The following MARK1 variants were observed in gnomAD, a reference collection of about 807,000 sequenced individuals.
The protein encoded by MARK1 is serine/threonine-protein kinase MARK1.
A neutral mutation model predicts 96.3 loss-of-function variants in MARK1; 40 were observed. The observed-to-expected ratio is 0.42, with a 90% confidence interval of 0.32 to 0.54. The LOEUF (loss-of-function observed/expected upper bound fraction) is 0.54, where lower values mean the gene tolerates loss of function less well. MARK1 is among the 20% of genes least tolerant of loss of function. The pLI, the probability that MARK1 is intolerant of heterozygous loss-of-function variation, is 0.16. For missense variants in MARK1, 719 were observed against 984.6 expected (o/e 0.73, Z 3.61); for synonymous variants, 317 against 341.2 (o/e 0.93, Z 0.78).
At chr1:220,659,516 T>A (rs1164289891) in intron 17 of MARK1, among the ~76,000 whole-genome samples, 1 of 152,198 alleles carries the variant, frequency 6.6e-6, no homozygotes, top group Non-Finnish European at 1.5e-5. Flanking sequence ...TTCTGAGGGG[T>A]AAATGAGTAA....
At position 220,618,263 on chromosome 1, in the gene MARK1, T is replaced by C. The variant is rs1400903960; in HGVS notation, c.553-47T>C. 1 of 1,198,272 alleles carries C rather than the reference T, an allele frequency of 8.3e-7. No homozygotes were observed. Among genetic ancestry groups the C allele is most frequent in the Admixed American group, 2.0e-5 (1 of 50,338 alleles). The allele number at this position is 1,198,272 out of a possible 1,614,324, so 74.2% of individuals were successfully genotyped here. A position where few individuals can be genotyped will look rare whatever the true frequency, so the allele number is the denominator to read the frequency against. The stretch of plus-strand genomic sequence containing the variant: ...TAAAACTCTTTTACAAATATTTTTA[T>C]TTTATGTAGGCTTTTTACATTGTTC... On this transcript the variant is annotated intron_variant, in intron 7 of 17. Transcript: ENST00000366917. The surrounding 1 kb of genome is among the most constrained non-coding windows in gnomAD (Gnocchi z 4.6).
intron 1 of MARK1, among the ~76,000 whole-genome samples, chr1:220,550,697 C>T (rs968251802): frequency 1.3e-4 from 20 of 152,168 alleles, no homozygotes; most frequent in Non-Finnish European, 2.4e-4. Context: ...ATATTTTCAT[C>T]TTTCTTAAAG....
intron 3 of MARK1, among the ~76,000 whole-genome samples, chr1:220,596,143 A>G (rs530819168): frequency 6.6e-6 from 1 of 152,342 alleles, no homozygotes; most frequent in South Asian, 2.1e-4. Flanking sequence ...ATTTGAAGCC[A>G]TGATAAATCA....
intron 11 of MARK1, among the ~76,000 whole-genome samples, chr1:220,634,467 CTAT>C (rs1667839590): frequency 1.3e-5 from 2 of 152,102 alleles, no homozygotes; most frequent in Non-Finnish European, 2.9e-5. Context: ...GTTTTCTTAT[CTAT>C]AAAATGAGGG....
chr1:220,661,015 C>G (rs2103077827), intron 17 of MARK1, among the ~76,000 whole-genome samples: 1 of 152,192 alleles, frequency 6.6e-6, no homozygotes, highest in Middle Eastern at 3.4e-3. Context: ...ACAATATGAG[C>G]AAAGATTTGA....
intron 1 of MARK1, among the ~76,000 whole-genome samples, chr1:220,549,142 T>C (rs184238581): frequency 2.0e-5 from 3 of 152,334 alleles, no homozygotes; most frequent in Non-Finnish European, 1.5e-5. Flanking sequence ...AGAGGCAGTG[T>C]AATTTCTTGG....
intron 1 of MARK1, among the ~76,000 whole-genome samples, chr1:220,571,330 T>A (rs908788161): frequency 6.6e-6 from 1 of 152,148 alleles, no homozygotes; most frequent in Admixed American, 6.5e-5. Context: ...AATAAGGTAG[T>A]TTCATTGTAA....
At chr1:220,556,094 T>C (rs138734304) in intron 1 of MARK1, among the ~76,000 whole-genome samples, 29 of 152,288 alleles carry the variant, frequency 1.9e-4, no homozygotes, top group Middle Eastern at 3.4e-3. Context: ...AGTTGGGACA[T>C]GTAGCTCTAA....
At chr1:220,607,688 G>A (rs185311404) in intron 6 of MARK1, among the ~76,000 whole-genome samples, 140 of 152,230 alleles carry the variant, frequency 9.2e-4, no homozygotes, top group Non-Finnish European at 1.7e-3. Context: ...GATATTGGCT[G>A]TGGGTTTGTC....
chr1:220,658,637 CA>C (rs1454764870), intron 17 of MARK1, among the ~76,000 whole-genome samples: 1 of 152,204 alleles, frequency 6.6e-6, no homozygotes, highest in African/African-American at 2.4e-5. Flanking sequence ...AAGTATTCCA[CA>C]GTATGAAAGG....
At chr1:220,586,616 C>G (rs1017058543) in intron 3 of MARK1, among the ~76,000 whole-genome samples, 1 of 152,148 alleles carries the variant, frequency 6.6e-6, no homozygotes, top group African/African-American at 2.4e-5. Context: ...CCAAAAACCT[C>G]TGTCCTAATT....
intron 1 of MARK1, among the ~76,000 whole-genome samples, chr1:220,546,572 G>T (rs1180356860): frequency 1.3e-5 from 2 of 152,198 alleles, no homozygotes; most frequent in Admixed American, 6.5e-5. Context: ...TTTAGCTACT[G>T]CTCTGTTCTG....
At chr1:220,626,961 C>A in intron 9 of MARK1, 1 of 510,110 alleles carries the variant, frequency 2.0e-6, no homozygotes, top group Non-Finnish European at 3.9e-6. Context: ...ACAGGTGTGG[C>A]CCTGGATACA....
intron 1 of MARK1, among the ~76,000 whole-genome samples, chr1:220,566,824 G>C (rs894734701): frequency 6.6e-6 from 1 of 152,096 alleles, no homozygotes; most frequent in Non-Finnish European, 1.5e-5. Flanking sequence ...AACATCTTCT[G>C]TGTTGAATGC....
intron 6 of MARK1, among the ~76,000 whole-genome samples, chr1:220,609,513 G>A (rs1666300614): frequency 6.6e-6 from 1 of 152,122 alleles, no homozygotes; most frequent in Non-Finnish European, 1.5e-5. Flanking sequence ...TATCCAATTT[G>A]CCACTCTGTG....
chr1:220,644,534 A>G lies in MARK1; in HGVS notation c.1471-6086A>G, dbSNP rs538366280. ...ATTAGACAGATCACCGAGACAGAAGATTAACAAGATACTCAGGACTTGAAC... is the reference window on the plus strand; with the variant it reads ...ATTAGACAGATCACCGAGACAGAAGGTTAACAAGATACTCAGGACTTGAAC... On this transcript the variant is annotated intron_variant, in intron 13 of 17. Transcript: ENST00000366917. Among the ~76,000 whole-genome samples, 5 of 149,554 alleles carry G rather than the reference A, an allele frequency of 3.3e-5. No individual in the cohort carries two copies. In the East Asian group the frequency reaches 6.1e-4, roughly 18 times the overall value.
intron 1 of MARK1, among the ~76,000 whole-genome samples, chr1:220,534,292 A>G (rs1047544405): frequency 3.3e-5 from 5 of 152,126 alleles, no homozygotes; most frequent in Non-Finnish European, 7.4e-5. Context: ...TCTTTTCATT[A>G]TACTAGCAAC....
At chr1:220,622,085 A>G (rs138847836) in intron 9 of MARK1, among the ~76,000 whole-genome samples, 4 of 152,174 alleles carry the variant, frequency 2.6e-5, no homozygotes, top group Non-Finnish European at 5.9e-5. Context: ...TCCATGTGTT[A>G]TACTGTCCTC....
intron 13 of MARK1, among the ~76,000 whole-genome samples, chr1:220,647,435 A>T (rs1668642488): frequency 6.6e-6 from 1 of 152,290 alleles, no homozygotes; most frequent in Admixed American, 6.5e-5. Flanking sequence ...ACACTTTTAC[A>T]CTGTTGGTGG....
Sources: allele counts gnomAD v4.1 joint callset (sites outside exome capture counted in the v4.1 genomes callset), GRCh38; gene constraint gnomAD v4.1.1; non-coding constraint Gnocchi (gnomAD v3.1); transcripts MANE v1.5; gene names NCBI Gene and HGNC (gene_info 2026-07-23, HGNC 2026-07-21).